Variants in DPP6 observed in about 807,000 individuals in gnomAD.
DPP6 encodes the protein dipeptidyl peptidase like 6.
A neutral mutation model predicts 122.6 loss-of-function variants in DPP6; 69 were observed. The observed-to-expected ratio is 0.56, with a 90% CI of 0.46 to 0.69. The LOEUF (loss-of-function observed/expected upper bound fraction) is 0.69, where lower values mean the gene tolerates loss of function less well. DPP6 is among the 30% of genes least tolerant of loss of function. The pLI, the probability that DPP6 is intolerant of heterozygous loss-of-function variation, is 0.00. For missense variants in DPP6, 928 were observed against 1,116.9 expected, an observed-to-expected ratio of 0.83 and a Z score of 2.41; for synonymous variants, 418 against 433.1, an observed-to-expected ratio of 0.97 and a Z score of 0.43.
the DPP6 span, among the ~76,000 whole-genome samples, chr7:153,811,779 A>C: frequency 1.3e-5 from 2 of 152,130 alleles, no homozygotes; most frequent in South Asian, 4.1e-4. Context: ...GGCCTTATGC[A>C]CCTGCTGTGT....
chr7:154,363,934 C>T (rs1388173807), intron 1 of DPP6, among the ~76,000 whole-genome samples: 1 of 152,038 alleles, frequency 6.6e-6, no homozygotes, highest in Admixed American at 6.6e-5. Flanking sequence ...ATTTAGCTGT[C>T]TTCAAAAAAC....
At chr7:154,532,439 A>G (rs564345931) in intron 3 of DPP6, among the ~76,000 whole-genome samples, 2 of 152,270 alleles carry the variant, frequency 1.3e-5, no homozygotes, top group African/African-American at 4.8e-5. Flanking sequence ...AGCTAGAAGA[A>G]AAGAAGTAAA....
the DPP6 span, among the ~76,000 whole-genome samples, chr7:153,801,892 C>T: frequency 6.6e-6 from 1 of 152,098 alleles, no homozygotes; most frequent in Admixed American, 6.6e-5. Flanking sequence ...CTAAATTTCT[C>T]ACATATCTAG....
chr7:154,831,023 C>T (rs1005271637), intron 16 of DPP6, among the ~76,000 whole-genome samples: 2 of 152,200 alleles, frequency 1.3e-5, no homozygotes, highest in South Asian at 2.1e-4. Context: ...TGCCTCTCAC[C>T]GTCCACGCCC....
the DPP6 span, among the ~76,000 whole-genome samples, chr7:153,810,561 C>A: frequency 6.6e-6 from 1 of 152,090 alleles, no homozygotes; most frequent in East Asian, 1.9e-4. Flanking sequence ...ACTAGTGTTT[C>A]TTCCAAAATC....
At chr7:154,539,044 A>G (rs1471958205) in intron 3 of DPP6, among the ~76,000 whole-genome samples, 1 of 152,342 alleles carries the variant, frequency 6.6e-6, no homozygotes, top group East Asian at 1.9e-4. Context: ...AAATCTACAC[A>G]TACTTAAATT....
At chr7:154,435,246 A>C (rs1818762261) in intron 1 of DPP6, among the ~76,000 whole-genome samples, 2 of 152,116 alleles carry the variant, frequency 1.3e-5, no homozygotes, top group African/African-American at 4.8e-5. Flanking sequence ...GAGAGAGAAC[A>C]AGGAGAAGGA....
intron 1 of DPP6, among the ~76,000 whole-genome samples, chr7:153,910,992 A>G (rs1800066798): frequency 6.6e-6 from 1 of 152,174 alleles, no homozygotes; most frequent in South Asian, 2.1e-4. Context: ...ATGTGTCCTC[A>G]GAGACAAATT....
In DPP6 at chr7:154,375,840, A is replaced by G. The variant is rs535766174; in HGVS notation, c.244-70374A>G. Among the ~76,000 whole-genome samples, 4 of 152,298 alleles carry G rather than the reference A, an allele frequency of 2.6e-5. No individual in the cohort carries two copies. In the East Asian group the frequency reaches 5.8e-4, roughly 22 times the overall value. On this transcript the variant is annotated intron_variant, in intron 1 of 25. Transcript: ENST00000377770. ...TGGTGACCTCTCAAGACCTTTCTCTATGACGCCCGCCAACTTTGTAAATAA... is the reference window on the plus strand; with the variant it reads ...TGGTGACCTCTCAAGACCTTTCTCTGTGACGCCCGCCAACTTTGTAAATAA...
chr7:154,401,908 A>AG (rs1457907204), intron 1 of DPP6, among the ~76,000 whole-genome samples: 1 of 152,132 alleles, frequency 6.6e-6, no homozygotes, highest in Admixed American at 6.5e-5. Context: ...CAAGAAAAAA[A>AG]CAAACAACCC....
chr7:154,318,870 G>T, intron 1 of DPP6, among the ~76,000 whole-genome samples: 1 of 152,000 alleles, frequency 6.6e-6, no homozygotes. Context: ...CTGGCCATTC[G>T]AGGGCCATGC....
intron 16 of DPP6, among the ~76,000 whole-genome samples, chr7:154,822,243 A>G (rs543926277): frequency 6.6e-6 from 1 of 152,284 alleles, no homozygotes; most frequent in South Asian, 2.1e-4. Flanking sequence ...GTAACAAAAT[A>G]CCATAAACTG....
chr7:154,428,024 T>C (rs868324683), intron 1 of DPP6, among the ~76,000 whole-genome samples: 2 of 152,244 alleles, frequency 1.3e-5, no homozygotes, highest in South Asian at 2.1e-4. Flanking sequence ...ATACACTGGC[T>C]GAGTAACTTT....
At chr7:154,632,436 G>T (rs1016020480) in intron 5 of DPP6, among the ~76,000 whole-genome samples, 2 of 152,074 alleles carry the variant, frequency 1.3e-5, no homozygotes, top group African/African-American at 4.8e-5. Context: ...TTGGAGTAGG[G>T]GAAGCAAGGG....
chr7:154,506,391 A>G (rs1000487821), intron 3 of DPP6, among the ~76,000 whole-genome samples: 2 of 152,124 alleles, frequency 1.3e-5, no homozygotes, highest in African/African-American at 4.8e-5. Context: ...TTAGAGGGTG[A>G]CTATTGAATA....
chr7:154,888,086 GC>G (rs1334372681), intron 23 of DPP6, among the ~76,000 whole-genome samples: 1 of 141,218 alleles, frequency 7.1e-6, no homozygotes, highest in Non-Finnish European at 1.5e-5. Flanking sequence ...GGGAGAGTGA[GC>G]TTTTTTTTTT....
At chr7:153,751,576 A>G in the DPP6 span, among the ~76,000 whole-genome samples, 1 of 150,694 alleles carries the variant, frequency 6.6e-6, no homozygotes, top group East Asian at 2.0e-4. Context: ...GCCCCAGTAG[A>G]GGCAGGAGCC....
chr7:154,441,010 G>T (rs866837716), intron 1 of DPP6, among the ~76,000 whole-genome samples: 1 of 152,134 alleles, frequency 6.6e-6, no homozygotes, highest in African/African-American at 2.4e-5. Flanking sequence ...CTTTAGCTGC[G>T]TAAGGCCAGA....
At chr7:153,886,075 C>A (rs1041980937), upstream of DPP6, among the ~76,000 whole-genome samples, 1 of 151,660 alleles carries the variant, frequency 6.6e-6, no homozygotes, top group Admixed American at 6.6e-5. Flanking sequence ...GACTCCAGCT[C>A]CCGCCATGCC....
Sources: allele counts gnomAD v4.1 joint callset (sites outside exome capture counted in the v4.1 genomes callset), GRCh38; gene constraint gnomAD v4.1.1; transcripts MANE v1.5; gene names NCBI Gene and HGNC (gene_info 2026-07-23, HGNC 2026-07-21).